Variants in GRIN2C observed in about 807,000 individuals in gnomAD.
GRIN2C encodes glutamate ionotropic receptor NMDA type subunit 2C.
A neutral mutation model predicts 77.7 loss-of-function variants in GRIN2C; 64 were observed. The observed-to-expected ratio is 0.82, with a 90% CI of 0.67 to 1.01. The LOEUF (loss-of-function observed/expected upper bound fraction) is 1.01, where lower values mean the gene tolerates loss of function less well. GRIN2C is among the 50% of genes least tolerant of loss of function. The pLI is 0.00. For synonymous variants in GRIN2C, 792 were observed against 643.4 expected (o/e 1.23, Z -3.49); for missense variants, 1,549 against 1,486.0 (o/e 1.04, Z -0.70).
chr17:74,854,077 C>T (rs2037741729), intron 2 of GRIN2C: 1 of 152,750 alleles, frequency 6.5e-6, no homozygotes, highest in South Asian at 2.1e-4. Context: ...CTCCCCCTCC[C>T]CACCGGCTCG....
At position 74,850,207 on chromosome 17, in the gene GRIN2C, TC is replaced by T. The variant is rs1370890187; in HGVS notation, c.1489del (p.Glu497ArgfsTer24). ...AGGAGGGAGTGGGGTGGGGCCTACC[TC>T]CCCAATCATGCCGTTCCATACGCCG... ...VRGVWNGMIG[E>X]VYYKRADMAI... On this transcript the variant is annotated frameshift_variant and splice_region_variant, in exon 6 of 13. Transcript: ENST00000293190. LOFTEE classifies it high-confidence loss of function. This position sits in a 1 kb window ranked among gnomAD's most constrained non-coding sequence, Gnocchi z 5.3. 6.2e-7 allele frequency: 1 copy of T among 1,612,738 alleles called. No homozygotes were observed. Among genetic ancestry groups the T allele is most frequent in the East Asian group, 2.2e-5 (1 of 44,840 alleles).
chr17:74,842,258 C>T lies in GRIN2C; in HGVS notation c.*177G>A, dbSNP rs1418108377. ...AAGAGGACAGCAAAAGCCCAGCCCT[C>T]ACCATGATTTGAGGCTACTGAGGTC... On this transcript the variant is annotated 3_prime_UTR_variant, in exon 13 of 13. Transcript: ENST00000293190. The T allele has an allele frequency of 1.8e-6, 1 of 568,640 alleles. No individual in the cohort carries two copies. Among genetic ancestry groups the T allele is most frequent in the Non-Finnish European group, 3.1e-6 (1 of 321,706 alleles). The allele number at this position is 568,640 out of a possible 1,614,324, so 35.2% of individuals were successfully genotyped here. A position where few individuals can be genotyped will look rare whatever the true frequency, so the allele number is the denominator to read the frequency against.
intron 11 of GRIN2C, 74 bp downstream of exon 11, chr17:74,845,992 G>C (rs2037442498): frequency 7.2e-7 from 1 of 1,380,358 alleles, no homozygotes; most frequent in Admixed American, 1.7e-5. Flanking sequence ...TTGGGAACTT[G>C]AGTGGTGGTG....
In GRIN2C at chr17:74,849,049, G is replaced by A. The variant is rs566316018; in HGVS notation, c.1645+731C>T. Among the ~76,000 whole-genome samples, 1 of 148,748 alleles carries A rather than the reference G, an allele frequency of 6.7e-6. No homozygotes were observed. The highest frequency in any genetic ancestry group is 2.4e-5 in the African/African-American group (1 of 41,046). ...AAAAAGGAAGGAAAGAAGAAAGGAA[G>A]AGTGGGAAGGAGAGAGGGAGGGAGG... On this transcript the variant is annotated intron_variant, in intron 7 of 12. Coordinates refer to ENST00000293190, the MANE Select transcript of GRIN2C (RefSeq NM_000835.6). The surrounding 1 kb of genome is among the most constrained non-coding windows in gnomAD (Gnocchi z 4.6).
At chr17:74,860,249 C>T (rs139722042), upstream of GRIN2C, among the ~76,000 whole-genome samples, 205 of 152,374 alleles carry the variant, frequency 1.3e-3, 1 homozygote, top group Non-Finnish European at 1.4e-3. Flanking sequence ...GAAATACAGC[C>T]AGCGGAATGG....
Position 74,842,919 on chromosome 17 carries a change from C to A in GRIN2C, c.3218G>T (p.Arg1073Leu). ...REALLHAAWA[R>L]GSRPRHASLP... ...GGAAGCGTGACGCGGGCGCGAGCCC[C>A]GGGCCCAGGCCGCGTGCAGCAGGGC... Residue 1073 changes from arginine (R) to leucine (L), a missense_variant, in exon 13 of 13, where the codon CGG (arginine) becomes CTG (leucine). Physicochemically the swap from Arg to Leu is moderately radical, Grantham distance 102. Coordinates refer to ENST00000293190, the MANE Select transcript of GRIN2C (RefSeq NM_000835.6). 1.8e-6 allele frequency: 1 copy of A among 568,296 alleles called. No individual in the cohort carries two copies. The allele number at this position is 568,296 out of a possible 1,614,324, so 35.2% of individuals were successfully genotyped here.
Position 74,846,160 on chromosome 17 carries a change from C to T in GRIN2C, c.2256G>A (p.Lys752=). The T allele has an allele frequency of 1.2e-6, 2 of 1,614,210 alleles. No individual in the cohort carries two copies. The highest frequency in any genetic ancestry group is 2.2e-5 in the South Asian group (2 of 91,084). The change falls in exon 11 of 13, where the codon AAG becomes AAA. Residue 752 remains lysine (K), a synonymous_variant. Coordinates refer to ENST00000293190, the MANE Select transcript of GRIN2C (RefSeq NM_000835.6). The surrounding 1 kb of genome is among the most constrained non-coding windows in gnomAD (Gnocchi z 4.4). The part of the protein sequence containing the change: ...GCKLVTIGSG[K]VFATTGYGIA... The stretch of plus-strand genomic sequence containing the variant: ...TGCCGTAGCCAGTGGTAGCAAAGAC[C>T]TTGCCAGACCCAATGGTGACCAGCT...
Position 74,843,362 on chromosome 17 carries a change from G to A in GRIN2C, c.2775C>T (p.Gly925=), listed in dbSNP as rs921086667. The part of the protein sequence containing the change: ...RATRTIENWG[G]GRRAPPPSPC... Reference sequence around the variant, plus strand: ...GGGACGGTGGGGGCGCACGGCGGCCGCCACCCCAATTCTCGATGGTGCGAG... The same window carrying A: ...GGGACGGTGGGGGCGCACGGCGGCCACCACCCCAATTCTCGATGGTGCGAG... Residue 925 remains glycine, a synonymous_variant, in exon 13 of 13, where the codon GGC becomes GGT. Transcript: ENST00000293190. The A allele has an allele frequency of 9.8e-6, 15 of 1,523,176 alleles. No homozygotes were observed. The highest frequency in any genetic ancestry group is 5.5e-5 in the African/African-American group (4 of 72,160). The allele number at this position is 1,523,176 out of a possible 1,614,324, so 94.4% of individuals were successfully genotyped here. A position where few individuals can be genotyped will look rare whatever the true frequency, so the allele number is the denominator to read the frequency against.
At position 74,851,626 on chromosome 17, in the gene GRIN2C, TG is replaced by T; in HGVS notation, c.1063del (p.Gln355SerfsTer6). The T allele has an allele frequency of 6.4e-7, 1 of 1,571,962 alleles. No homozygotes were observed. ...GAGGGCGATCACCACCATGGTGGGC[TG>T]GACCAGGTACCCACCAGGGCTGAAG... ...FSFSPGGYLV[Q>X]PTMVVIALNR... On this transcript the variant is annotated frameshift_variant, in exon 4 of 13. Coordinates refer to ENST00000293190, the MANE Select transcript of GRIN2C (RefSeq NM_000835.6). LOFTEE classifies it high-confidence loss of function.
Position 74,846,970 on chromosome 17 carries a change from G to GGCACCAAAGCCCCAAACCC in GRIN2C, c.2002-69_2002-51dup. ...TCACAACCCTTCCTCCAGCCTTCCA[G>GGCACCAAAGCCCCAAACCC]GCACCAAAGCCCCAAACCCACCCCA... On this transcript the variant is annotated intron_variant, in intron 9 of 12. Transcript: ENST00000293190. This position sits in a 1 kb window ranked among gnomAD's most constrained non-coding sequence, Gnocchi z 4.4. 1 of 1,570,378 alleles carries GGCACCAAAGCCCCAAACCC rather than the reference G, an allele frequency of 6.4e-7. No individual in the cohort carries two copies. The highest frequency in any genetic ancestry group is 2.2e-5 in the East Asian group (1 of 44,546).
chr17:74,857,915 AT>A (rs2144623985), intron 1 of GRIN2C, among the ~76,000 whole-genome samples: 1 of 152,362 alleles, frequency 6.6e-6, no homozygotes, highest in East Asian at 1.9e-4. Context: ...CATTTGGGGT[AT>A]GTTTAGTCAA....
chr17:74,848,757 T>G (rs2037538537), intron 7 of GRIN2C, among the ~76,000 whole-genome samples: 1 of 152,056 alleles, frequency 6.6e-6, no homozygotes, highest in African/African-American at 2.4e-5. Context: ...AGCTCACACC[T>G]GTAATCCCAG....
rs1426118203 is a variant in GRIN2C at position 74,847,339 on chromosome 17, A to T, written c.1970T>A (p.Ile657Asn). 2 of 1,399,972 alleles carry T rather than the reference A, an allele frequency of 1.4e-6. No homozygotes were observed. The highest frequency in any genetic ancestry group is 1.9e-6 in the Non-Finnish European group (2 of 1,046,404). The allele number at this position is 1,399,972 out of a possible 1,614,324, so 86.7% of individuals were successfully genotyped here. A position where few individuals can be genotyped will look rare whatever the true frequency, so the allele number is the denominator to read the frequency against. Reference protein sequence around the residue: ...LAAFMIQEQYIDTVSGLSDKK... With the variant: ...LAAFMIQEQYNDTVSGLSDKK... Reference sequence around the variant, plus strand: ...GTCACTGAGGCCCGACACAGTGTCGATGTATTGCTCTTGGATCATGAAGGC... The same window carrying T: ...GTCACTGAGGCCCGACACAGTGTCGTTGTATTGCTCTTGGATCATGAAGGC... The change falls in exon 9 of 13, where the codon ATC becomes AAC. Residue 657 changes from isoleucine (I) to asparagine (N), a missense_variant. By Grantham distance (149) the Ile-to-Asn change is moderately radical. Coordinates refer to ENST00000293190, the MANE Select transcript of GRIN2C (RefSeq NM_000835.6). The surrounding 1 kb of genome is among the most constrained non-coding windows in gnomAD (Gnocchi z 5.2).
Position 74,843,117 on chromosome 17 carries a change from C to G in GRIN2C, c.3020G>C (p.Arg1007Pro). 2.3e-6 allele frequency: 1 copy of G among 428,338 alleles called. No individual in the cohort carries two copies. The allele number at this position is 428,338 out of a possible 1,614,324, so 26.5% of individuals were successfully genotyped here. The change falls in exon 13 of 13, where the codon CGG (arginine) becomes CCG (proline). Residue 1007 changes from arginine to proline, a missense_variant. Physicochemically the swap from Arg to Pro is moderately radical, Grantham distance 103 (BLOSUM62 -2). Transcript: ENST00000293190. Reference sequence around the variant, plus strand: ...GAGGTGCCTCCCGCAGTGCCCGGTCCGCACCGGCCACCGCGCCTCCCAGGC... The same window carrying G: ...GAGGTGCCTCCCGCAGTGCCCGGTCGGCACCGGCCACCGCGCCTCCCAGGC... The part of the protein sequence containing the change: ...RPAWEARWPV[R>P]TGHCGRHLSA...
At chr17:74,860,972 C>T (rs2037937789), upstream of GRIN2C, 2 of 166,846 alleles carry the variant, frequency 1.2e-5, no homozygotes, top group South Asian at 2.7e-4. Context: ...TCCAACCCCT[C>T]GCTCTGGTGG....
chr17:74,857,600 C>T (rs973826323), intron 1 of GRIN2C, among the ~76,000 whole-genome samples: 1 of 152,186 alleles, frequency 6.6e-6, no homozygotes, highest in Non-Finnish European at 1.5e-5. Context: ...CTTGTCGCTC[C>T]CCTTGCACGG....
rs1164213606 is a variant in GRIN2C, at chr17:74,843,512, G to A, written c.2625C>T (p.Ser875=). 8 of 1,533,488 alleles carry A rather than the reference G, an allele frequency of 5.2e-6. No homozygotes were observed. Among genetic ancestry groups the A allele is most frequent in the Non-Finnish European group, 6.1e-6 (7 of 1,146,450 alleles). 95.0% of individuals were successfully genotyped at this position (1,533,488 alleles called of 1,614,324 possible). A position where few individuals can be genotyped will look rare whatever the true frequency, so the allele number is the denominator to read the frequency against. The change falls in exon 13 of 13, where the codon AGC becomes AGT. Residue 875 remains serine, a synonymous_variant. Coordinates refer to ENST00000293190, the MANE Select transcript of GRIN2C (RefSeq NM_000835.6). ...SCFSGVQSLA[S]PPRQASPDLT... is the part of the protein sequence containing the mutation. ...GGTCCGGGCTGGCCTGCCGCGGTGG[G>A]CTGGCGAGGCTCTGCACCCCGCTGA...
In GRIN2C at chr17:74,842,607, C is replaced by A. The variant is rs1233648339; in HGVS notation, c.3530G>T (p.Trp1177Leu). 2.6e-6 allele frequency: 2 copies of A among 764,156 alleles called. No homozygotes were observed. The highest frequency in any genetic ancestry group is 4.9e-6 in the Non-Finnish European group (2 of 410,526). 47.3% of individuals were successfully genotyped at this position (764,156 alleles called of 1,614,324 possible). ...CAGAGGCCCCCAGGCCCCGGAGAGCCAGGAGCCGTGGCTGGCACAGGGTGG... is the reference window on the plus strand; with the variant it reads ...CAGAGGCCCCCAGGCCCCGGAGAGCAAGGAGCCGTGGCTGGCACAGGGTGG... ...HLPPCASHGS[W>L]LSGAWGPLGH... The change falls in exon 13 of 13, where the codon TGG becomes TTG. Residue 1177 changes from tryptophan to leucine, a missense_variant. Transcript: ENST00000293190.
chr17:74,860,020 AC>A (rs2037916000), upstream of GRIN2C: 1 of 126,716 alleles, frequency 7.9e-6, no homozygotes, highest in African/African-American at 2.8e-5. Context: ...CGGGGCCCCC[AC>A]CCCCACTCCC....
Sources: allele counts gnomAD v4.1 joint callset (sites outside exome capture counted in the v4.1 genomes callset), GRCh38; gene constraint gnomAD v4.1.1; non-coding constraint Gnocchi (gnomAD v3.1); transcripts MANE v1.5; gene names NCBI Gene and HGNC (gene_info 2026-07-23, HGNC 2026-07-21).